OLFM3: variants seen among roughly 807,000 people sequenced by gnomAD.
OLFM3 encodes the protein olfactomedin 3, also known as noelin-3.
A neutral mutation model predicts 48.6 loss-of-function variants in OLFM3; 20 were observed. That is an observed-to-expected ratio of 0.41 (90% confidence interval 0.29 to 0.60). The LOEUF is 0.60. Ranked by LOEUF, OLFM3 falls within the 20% of genes least tolerant of loss-of-function variation. The pLI, the probability that OLFM3 is intolerant of heterozygous loss-of-function variation, is 0.28. For synonymous variants in OLFM3, 222 were observed against 198.1 expected (o/e 1.12, Z -1.01); for missense variants, 437 against 544.3 (o/e 0.80, Z 1.96).
intron 1 of OLFM3, among the ~76,000 whole-genome samples, chr1:101,935,441 T>C (rs1035754817): frequency 1.3e-5 from 2 of 152,032 alleles, no homozygotes; most frequent in Non-Finnish European, 2.9e-5. Flanking sequence ...ATTGAATCCA[T>C]GAACTGACCA....
intron 1 of OLFM3, among the ~76,000 whole-genome samples, chr1:101,852,411 T>C (rs1401321720): frequency 6.6e-6 from 1 of 152,108 alleles, no homozygotes; most frequent in Admixed American, 6.6e-5. Context: ...ATTTACTTTC[T>C]CCTTTTTGAA....
intron 1 of OLFM3, chr1:101,910,004 A>G (rs2101027062): frequency 2.0e-6 from 2 of 985,350 alleles, no homozygotes; most frequent in East Asian, 1.1e-4. Flanking sequence ...ATCTTGCTTT[A>G]TAATATTAAG....
At chr1:101,963,790 C>A (rs2101087117) in intron 1 of OLFM3, among the ~76,000 whole-genome samples, 1 of 152,226 alleles carries the variant, frequency 6.6e-6, no homozygotes, top group Non-Finnish European at 1.5e-5. Context: ...AAATCTACCC[C>A]ATTATCTGTT....
intron 1 of OLFM3, among the ~76,000 whole-genome samples, chr1:101,926,591 A>G (rs917173956): frequency 2.0e-5 from 3 of 152,222 alleles, no homozygotes; most frequent in Admixed American, 6.5e-5. Context: ...TTTAGCAGAT[A>G]TAAGTGAAGT....
At chr1:101,985,078 GGC>G (rs1661198321) in intron 1 of OLFM3, among the ~76,000 whole-genome samples, 2 of 152,162 alleles carry the variant, frequency 1.3e-5, no homozygotes, top group Admixed American at 6.5e-5. Context: ...AGCTTCTAGA[GGC>G]AGCCTGCATA....
intron 1 of OLFM3, among the ~76,000 whole-genome samples, chr1:101,906,170 C>A (rs182240328): frequency 3.0e-4 from 46 of 151,840 alleles, no homozygotes; most frequent in African/African-American, 1.1e-3. Context: ...TGGAGAAATG[C>A]CTTTTATAGC....
chr1:101,895,371 C>T (rs1475640257), intron 1 of OLFM3, among the ~76,000 whole-genome samples: 1 of 150,878 alleles, frequency 6.6e-6, no homozygotes, highest in Non-Finnish European at 1.5e-5. Flanking sequence ...GGATTTTGAC[C>T]TTAGACTTAT....
chr1:101,846,129 T>A (rs978935576), intron 1 of OLFM3, among the ~76,000 whole-genome samples: 2 of 152,244 alleles, frequency 1.3e-5, no homozygotes, highest in African/African-American at 2.4e-5. Context: ...TGAACCTTGC[T>A]TCAAACTATC....
At chr1:101,827,207 GA>G (rs1450049254) in intron 3 of OLFM3, among the ~76,000 whole-genome samples, 1 of 152,186 alleles carries the variant, frequency 6.6e-6, no homozygotes, top group African/African-American at 2.4e-5. Context: ...CTTCATATAA[GA>G]ATGTCAATCT....
At chr1:101,864,569 G>T (rs74107958) in intron 1 of OLFM3, among the ~76,000 whole-genome samples, 10,958 of 152,190 alleles carry the variant, frequency 0.072, 992 homozygotes, top group East Asian at 0.33. Context: ...TAACAAAATT[G>T]TATAGGTTTG....
At chr1:101,846,921 A>G in intron 1 of OLFM3, 1 of 1,612,780 alleles carries the variant, frequency 6.2e-7, no homozygotes, top group Middle Eastern at 1.6e-4. Context: ...CCAGTTTGAG[A>G]TCATTGCCAT....
intron 1 of OLFM3, among the ~76,000 whole-genome samples, chr1:101,931,681 T>A (rs1659449386): frequency 6.6e-6 from 1 of 152,178 alleles, no homozygotes; most frequent in Admixed American, 6.5e-5. Flanking sequence ...GATAGAAGGC[T>A]CCTCATGCTT....
chr1:101,827,452 T>G (rs1389884107), intron 3 of OLFM3, among the ~76,000 whole-genome samples: 3 of 152,124 alleles, frequency 2.0e-5, no homozygotes, highest in African/African-American at 7.2e-5. Flanking sequence ...CTCGAGTGGC[T>G]GGGACTACAA....
intron 1 of OLFM3, among the ~76,000 whole-genome samples, chr1:101,846,415 A>G (rs1169951448): frequency 6.6e-6 from 1 of 152,198 alleles, no homozygotes; most frequent in Non-Finnish European, 1.5e-5. Flanking sequence ...CAGGCATTGC[A>G]TTCCAAGGAA....
chr1:101,894,623 A>G (rs548707416), intron 1 of OLFM3, among the ~76,000 whole-genome samples: 37 of 152,282 alleles, frequency 2.4e-4, no homozygotes, highest in African/African-American at 8.7e-4. Flanking sequence ...AGTTTTAAAG[A>G]GAAATAGAGT....
chr1:101,854,242 C>T (rs773156735), intron 1 of OLFM3, among the ~76,000 whole-genome samples: 1 of 146,468 alleles, frequency 6.8e-6, no homozygotes, highest in African/African-American at 2.7e-5. Flanking sequence ...CCCTTGGCAA[C>T]CAATTAGGGA....
At chr1:101,985,790 G>C (rs1661217881) in intron 1 of OLFM3, among the ~76,000 whole-genome samples, 1 of 151,992 alleles carries the variant, frequency 6.6e-6, no homozygotes, top group African/African-American at 2.4e-5. Context: ...ATATATTTTT[G>C]TACTTAATTT....
At chr1:101,887,434 TA>T (rs926129278) in intron 1 of OLFM3, among the ~76,000 whole-genome samples, 1 of 151,914 alleles carries the variant, frequency 6.6e-6, no homozygotes, top group Non-Finnish European at 1.5e-5. Flanking sequence ...GAAATGAACA[TA>T]TAACATATTT....
chr1:101,921,827 G>A (rs1203494431), intron 1 of OLFM3, among the ~76,000 whole-genome samples: 3 of 152,104 alleles, frequency 2.0e-5, no homozygotes, highest in Non-Finnish European at 4.4e-5. Context: ...GGAGGCCAAG[G>A]TGGGCAGATC....
Sources: gnomAD v4.1 joint callset for allele counts (sites outside exome capture counted in the v4.1 genomes callset) on GRCh38, gnomAD v4.1.1 for gene constraint, MANE v1.5 for transcripts, NCBI Gene and HGNC (gene_info 2026-07-23, HGNC 2026-07-21) for gene names.